MPP7: variants seen among roughly 807,000 people sequenced by gnomAD.
MPP7 encodes MAGUK p55 scaffold protein 7.
MPP7 carries 60 observed loss-of-function variants against 76.5 expected under a neutral mutation model. That is an observed-to-expected ratio of 0.78 (90% CI 0.64 to 0.97). MPP7 has a LOEUF of 0.97. Ranked by LOEUF, MPP7 falls within the 50% of genes least tolerant of loss-of-function variation. The probability of loss-of-function intolerance (pLI) is 0.00; values close to 1 mark genes in which losing one functional copy is unlikely to be tolerated. For synonymous variants in MPP7, 237 were observed against 244.5 expected, an observed-to-expected ratio of 0.97 and a Z score of 0.29; for missense variants, 641 against 694.0, an observed-to-expected ratio of 0.92 and a Z score of 0.86.
chr10:28,136,149 A>G lies in MPP7; in HGVS notation c.316-4458T>C, dbSNP rs557560868. 2.2e-4 allele frequency among the ~76,000 whole-genome samples: 33 copies of G among 151,578 alleles called. 1 individual carries two copies. Among genetic ancestry groups the G allele is most frequent in the Admixed American group, 1.6e-3 (24 of 15,160 alleles). On this transcript the variant is annotated intron_variant, in intron 5 of 16. Coordinates refer to ENST00000683449, the MANE Select transcript of MPP7 (RefSeq NM_001318170.2). ...TGTCGCCGTCTCCCATCACCACTAC[A>G]TGGGATCATCTAGTTGCAGGAAAAT...
chr10:28,277,303 A>G (rs11006979), intron 1 of MPP7, among the ~76,000 whole-genome samples: 21,972 of 151,760 alleles, frequency 0.14, 1,751 homozygotes, highest in South Asian at 0.19. Context: ...GGGCCACAGT[A>G]GAAGAATAAT....
chr10:28,266,071 T>C (rs923540781), intron 1 of MPP7, among the ~76,000 whole-genome samples: 10 of 152,142 alleles, frequency 6.6e-5, no homozygotes, highest in Admixed American at 5.9e-4. Context: ...GCGATTCTCC[T>C]GCCTCAGCCT....
At chr10:28,158,276 T>G (rs910316603) in intron 3 of MPP7, among the ~76,000 whole-genome samples, 4 of 152,004 alleles carry the variant, frequency 2.6e-5, no homozygotes, top group African/African-American at 7.3e-5. Context: ...AAGAGATGGG[T>G]GAAATGTAAC....
chr10:28,243,790 G>A (rs1281615993), intron 1 of MPP7, among the ~76,000 whole-genome samples: 1 of 152,130 alleles, frequency 6.6e-6, no homozygotes. Flanking sequence ...AAGGTCTCCT[G>A]TTGAGCCAGG....
intron 3 of MPP7, among the ~76,000 whole-genome samples, chr10:28,156,799 G>A (rs189258953): frequency 5.3e-5 from 8 of 152,316 alleles, no homozygotes; most frequent in Non-Finnish European, 8.8e-5. Context: ...CTGTCTGGAC[G>A]CACCCACAGC....
At chr10:28,095,986 T>C (rs945024289) in intron 11 of MPP7, among the ~76,000 whole-genome samples, 26 of 152,324 alleles carry the variant, frequency 1.7e-4, no homozygotes, top group African/African-American at 6.3e-4. Flanking sequence ...AGACTGCAGC[T>C]GCAGGTCAGT....
intron 3 of MPP7, among the ~76,000 whole-genome samples, chr10:28,197,223 C>T (rs922535940): frequency 2.0e-5 from 3 of 149,848 alleles, no homozygotes; most frequent in African/African-American, 7.4e-5. Context: ...TGCTCTGTCG[C>T]CCAGGCTGGA....
At chr10:28,145,420 C>T (rs1835671992) in intron 5 of MPP7, among the ~76,000 whole-genome samples, 1 of 152,090 alleles carries the variant, frequency 6.6e-6, no homozygotes, top group Non-Finnish European at 1.5e-5. Context: ...ACCTACATAC[C>T]TTGCTTCTGT....
chr10:28,136,946 T>C (rs905035798), intron 5 of MPP7, among the ~76,000 whole-genome samples: 5 of 152,102 alleles, frequency 3.3e-5, no homozygotes, highest in Admixed American at 2.6e-4. Flanking sequence ...TAAAGAAATA[T>C]GGCAGAAAAT....
intron 2 of MPP7, among the ~76,000 whole-genome samples, chr10:28,205,858 G>A (rs541543989): frequency 1.1e-4 from 16 of 152,278 alleles, no homozygotes; most frequent in African/African-American, 2.6e-4. Context: ...ATGCAAGAGC[G>A]TTGGGAGGTG....
At chr10:28,303,139 G>C (rs888200136), upstream of MPP7, among the ~76,000 whole-genome samples, 1 of 150,190 alleles carries the variant, frequency 6.7e-6, no homozygotes, top group African/African-American at 2.4e-5. Context: ...CGGGTAAGAG[G>C]GGCCTGCTGA....
At chr10:28,191,708 CG>C (rs1837415225) in intron 3 of MPP7, among the ~76,000 whole-genome samples, 1 of 152,160 alleles carries the variant, frequency 6.6e-6, no homozygotes, top group Non-Finnish European at 1.5e-5. Context: ...ACCAATACCA[CG>C]ACCAAATAAG....
At chr10:28,276,238 C>T (rs1050034325) in intron 1 of MPP7, among the ~76,000 whole-genome samples, 6 of 151,898 alleles carry the variant, frequency 4.0e-5, no homozygotes, top group Admixed American at 1.3e-4. Flanking sequence ...ACCATATTGG[C>T]CAGACTGGTC....
At chr10:28,285,334 C>T (rs1389662042) in intron 1 of MPP7, among the ~76,000 whole-genome samples, 5 of 152,266 alleles carry the variant, frequency 3.3e-5, no homozygotes, top group East Asian at 1.9e-4. Context: ...ACAGGCAACA[C>T]GCCACCACAC....
At chr10:28,221,401 G>A (rs1838501135) in intron 2 of MPP7, among the ~76,000 whole-genome samples, 1 of 152,038 alleles carries the variant, frequency 6.6e-6, no homozygotes, top group Non-Finnish European at 1.5e-5. Context: ...AAAACTTCCT[G>A]ACACATAATG....
At chr10:28,182,914 C>T (rs1045675243) in intron 3 of MPP7, among the ~76,000 whole-genome samples, 2 of 152,116 alleles carry the variant, frequency 1.3e-5, no homozygotes, top group African/African-American at 4.8e-5. Flanking sequence ...CCCATCTCTA[C>T]TAAAAATACA....
At chr10:28,180,934 G>A (rs566560983) in intron 3 of MPP7, among the ~76,000 whole-genome samples, 1 of 152,346 alleles carries the variant, frequency 6.6e-6, no homozygotes, top group African/African-American at 2.4e-5. Flanking sequence ...GTGGAGAAGT[G>A]CAATCTTACA....
At chr10:28,277,065 A>C (rs1173481076) in intron 1 of MPP7, among the ~76,000 whole-genome samples, 1 of 151,894 alleles carries the variant, frequency 6.6e-6, no homozygotes, top group African/African-American at 2.4e-5. Flanking sequence ...TTGGTGACAC[A>C]CGTCTGTGCT....
At chr10:28,150,760 T>TA (rs1194956665) in intron 3 of MPP7, among the ~76,000 whole-genome samples, 2 of 152,040 alleles carry the variant, frequency 1.3e-5, no homozygotes, top group African/African-American at 4.8e-5. Context: ...TAATAAATTT[T>TA]AAAAAATTTA....
Sources: allele counts gnomAD v4.1 joint callset (sites outside exome capture counted in the v4.1 genomes callset), GRCh38; gene constraint gnomAD v4.1.1; transcripts MANE v1.5; gene names NCBI Gene and HGNC (gene_info 2026-07-23, HGNC 2026-07-21).